Variants in FHIT observed in about 807,000 individuals in gnomAD.
FHIT encodes bis(5'-adenosyl)-triphosphatase.
Under a neutral mutation model 17.9 loss-of-function variants are expected in FHIT, and 19 were observed. That is an observed-to-expected ratio of 1.06 (90% CI 0.74 to 1.56). The LOEUF (loss-of-function observed/expected upper bound fraction) is 1.56. FHIT is among the 40% of genes most tolerant of loss of function. The pLI is 0.00. For synonymous variants in FHIT, 81 were observed against 69.7 expected (o/e 1.16, Z -0.81); for missense variants, 248 against 189.2 (o/e 1.31, Z -1.82).
intron 5 of FHIT, among the ~76,000 whole-genome samples, chr3:60,320,204 G>C (rs1301675329): frequency 6.6e-6 from 1 of 152,154 alleles, no homozygotes. Flanking sequence ...ACAACGTTAA[G>C]CTTCCTCTTC....
chr3:60,317,384 C>A (rs1018504963), intron 5 of FHIT, among the ~76,000 whole-genome samples: 1 of 151,536 alleles, frequency 6.6e-6, no homozygotes, highest in African/African-American at 2.4e-5. Flanking sequence ...AATCCCTTTA[C>A]CAAATGGTCT....
chr3:61,186,999 G>C (rs977542105), intron 2 of FHIT, among the ~76,000 whole-genome samples: 4 of 152,080 alleles, frequency 2.6e-5, no homozygotes, highest in African/African-American at 7.2e-5. Flanking sequence ...TGCTTTGTTG[G>C]TTTACTAGTT....
At chr3:61,203,867 C>T (rs2039116328) in intron 1 of FHIT, among the ~76,000 whole-genome samples, 1 of 152,214 alleles carries the variant, frequency 6.6e-6, no homozygotes, top group Admixed American at 6.5e-5. Context: ...GAGGCCCTTA[C>T]ACATGTACTC....
At chr3:60,576,524 C>T (rs188719540) in intron 4 of FHIT, among the ~76,000 whole-genome samples, 3 of 152,258 alleles carry the variant, frequency 2.0e-5, no homozygotes, top group African/African-American at 7.2e-5. Context: ...TGGGACAATC[C>T]GTTCCCTTAC....
At chr3:61,205,125 T>C (rs1271685911) in intron 1 of FHIT, among the ~76,000 whole-genome samples, 1 of 152,094 alleles carries the variant, frequency 6.6e-6, no homozygotes, top group Non-Finnish European at 1.5e-5. Context: ...TCCAGCTTCA[T>C]CCATGTCCCT....
intron 3 of FHIT, among the ~76,000 whole-genome samples, chr3:60,909,230 A>G (rs1315204524): frequency 6.6e-6 from 1 of 152,010 alleles, no homozygotes; most frequent in African/African-American, 2.4e-5. Context: ...TTAGCCAGGC[A>G]TGGTGGTGTG....
chr3:60,216,847 T>C (rs2107526660), intron 5 of FHIT, among the ~76,000 whole-genome samples: 1 of 152,290 alleles, frequency 6.6e-6, no homozygotes, highest in East Asian at 1.9e-4. Context: ...CTTGACATGT[T>C]TTGCAGTATC....
chr3:59,948,716 G>A (rs1706960695), intron 7 of FHIT, among the ~76,000 whole-genome samples: 1 of 151,834 alleles, frequency 6.6e-6, no homozygotes, highest in African/African-American at 2.4e-5. Flanking sequence ...TTTCCCTATG[G>A]GCTGGTGACG....
chr3:60,498,728 T>C (rs1486781952), intron 5 of FHIT, among the ~76,000 whole-genome samples: 2 of 152,250 alleles, frequency 1.3e-5, no homozygotes, highest in African/African-American at 4.8e-5. Flanking sequence ...CTCCTTCAAA[T>C]GAAACCAGCA....
chr3:60,909,725 C>A (rs144924727), intron 3 of FHIT, among the ~76,000 whole-genome samples: 2 of 152,158 alleles, frequency 1.3e-5, no homozygotes, highest in Non-Finnish European at 2.9e-5. Flanking sequence ...CAACGGAATG[C>A]GTATTTGTCA....
intron 4 of FHIT, among the ~76,000 whole-genome samples, chr3:60,722,791 C>T (rs548688599): frequency 4.8e-5 from 7 of 147,238 alleles, no homozygotes; most frequent in South Asian, 2.2e-4. Flanking sequence ...GGCGCGATCT[C>T]GGCTCATTGC....
At position 60,435,430 on chromosome 3, in the gene FHIT, G is replaced by A. The variant is rs185566050; in HGVS notation, c.103+101430C>T. Among the ~76,000 whole-genome samples the A allele has an allele frequency of 1.8e-3, 195 of 109,156 alleles. 1 individual carries two copies. Among genetic ancestry groups the A allele is most frequent in the Middle Eastern group, 0.013 (3 of 226 alleles). The allele number at this position is 109,156 out of a possible 152,430, so 71.6% of individuals were successfully genotyped here. Reference sequence around the variant, plus strand: ...ATTGGGGAATTATATACTTTATAACGTAATAAAAATGATTTTTTTTTTTAC... The same window carrying A: ...ATTGGGGAATTATATACTTTATAACATAATAAAAATGATTTTTTTTTTTAC... On this transcript the variant is annotated intron_variant, in intron 5 of 9. Coordinates refer to ENST00000492590, the MANE Select transcript of FHIT (RefSeq NM_002012.4).
intron 5 of FHIT, among the ~76,000 whole-genome samples, chr3:60,397,897 T>C (rs541234958): frequency 9.2e-5 from 14 of 152,234 alleles, no homozygotes; most frequent in African/African-American, 2.9e-4. Flanking sequence ...GCGTCTTTGC[T>C]TTAACCTTTT....
At chr3:60,386,792 C>A (rs557351350) in intron 5 of FHIT, among the ~76,000 whole-genome samples, 2 of 152,180 alleles carry the variant, frequency 1.3e-5, no homozygotes, top group Non-Finnish European at 2.9e-5. Context: ...GCGTTCCAGA[C>A]GATATGTGGT....
intron 1 of FHIT, among the ~76,000 whole-genome samples, chr3:61,231,752 C>T (rs1484616316): frequency 6.6e-6 from 1 of 151,764 alleles, no homozygotes; most frequent in Admixed American, 6.6e-5. Flanking sequence ...GAGAAAAAGG[C>T]AATAAATAAA....
chr3:60,213,722 T>A (rs540813494), intron 5 of FHIT, among the ~76,000 whole-genome samples: 1 of 152,322 alleles, frequency 6.6e-6, no homozygotes, highest in Admixed American at 6.5e-5. Context: ...ATTGTAGACA[T>A]CATCAGTGAA....
chr3:60,210,422 C>G (rs1464487016), intron 5 of FHIT, among the ~76,000 whole-genome samples: 6 of 151,682 alleles, frequency 4.0e-5, no homozygotes, highest in Non-Finnish European at 8.8e-5. Context: ...ATTTAAAATC[C>G]CAAAGTAATA....
chr3:60,431,762 C>G (rs77177472), intron 5 of FHIT, among the ~76,000 whole-genome samples: 29 of 152,084 alleles, frequency 1.9e-4, no homozygotes, highest in East Asian at 1.6e-3. Flanking sequence ...TCAAACACCC[C>G]CTTCTGGTGA....
chr3:60,274,139 GA>G (rs1189722812), intron 5 of FHIT, among the ~76,000 whole-genome samples: 9 of 152,048 alleles, frequency 5.9e-5, no homozygotes, highest in Non-Finnish European at 1.2e-4. Context: ...AGTTCAGCTT[GA>G]AAGTTCATCT....
Sources: gnomAD v4.1 joint callset for allele counts (sites outside exome capture counted in the v4.1 genomes callset) on GRCh38, gnomAD v4.1.1 for gene constraint, MANE v1.5 for transcripts, NCBI Gene and HGNC (gene_info 2026-07-23, HGNC 2026-07-21) for gene names.